LY6S: variants seen among roughly 807,000 people sequenced by gnomAD.
LY6S encodes the protein lymphocyte antigen 6S.
chr8:143,054,676 C>A, the LY6S span, among the ~76,000 whole-genome samples: 4 of 152,198 alleles, frequency 2.6e-5, no homozygotes, highest in South Asian at 2.1e-4. Flanking sequence ...ACAGCTCCCC[C>A]CATCTAACTC....
At chr8:143,059,121 G>C in the LY6S span, among the ~76,000 whole-genome samples, 1 of 152,152 alleles carries the variant, frequency 6.6e-6, no homozygotes, top group Non-Finnish European at 1.5e-5. Flanking sequence ...CTCGGCGCCT[G>C]GGTGGCTTGC....
the LY6S span, chr8:143,049,424 C>T: frequency 2.6e-6 from 1 of 390,282 alleles, no homozygotes; most frequent in East Asian, 7.2e-5. Flanking sequence ...TCCGTCTTTC[C>T]AGAGGAATCA....
chr8:143,070,447 T>TGTATATATATATATATAATATATATATA, the LY6S span, among the ~76,000 whole-genome samples: 1 of 28,376 alleles, frequency 3.5e-5, no homozygotes, highest in Non-Finnish European at 5.3e-5. Flanking sequence ...ATATATATTG[T>TGTATATATATATATATAATATATATATA]ATATATATAT....
At chr8:143,065,990 G>C in the LY6S span, 1 of 349,924 alleles carries the variant, frequency 2.9e-6, no homozygotes, top group Admixed American at 3.4e-5. Context: ...GGTCCTTGTG[G>C]GCTTCATGAG....
At chr8:143,044,747 T>C in the LY6S span, 1 of 1,367,562 alleles carries the variant, frequency 7.3e-7, no homozygotes, top group Non-Finnish European at 9.8e-7. Flanking sequence ...GAGACCACGC[T>C]GCAGGAGGCC....
the LY6S span, among the ~76,000 whole-genome samples, chr8:143,060,677 C>T: frequency 1.2e-4 from 18 of 152,292 alleles, no homozygotes; most frequent in East Asian, 3.9e-4. Flanking sequence ...CCGGTCTCCA[C>T]GCCTTGGTGG....
chr8:143,065,132 A>C, the LY6S span, among the ~76,000 whole-genome samples: 7 of 152,184 alleles, frequency 4.6e-5, no homozygotes. Flanking sequence ...AACACTATGC[A>C]GTGCCCTGCT....
the LY6S span, among the ~76,000 whole-genome samples, chr8:143,048,255 C>G: frequency 6.6e-6 from 1 of 152,150 alleles, no homozygotes; most frequent in Non-Finnish European, 1.5e-5. Context: ...ATGTGCTGCT[C>G]TCCTCTGGCT....
At chr8:143,071,627 G>C in the LY6S span, among the ~76,000 whole-genome samples, 1 of 151,750 alleles carries the variant, frequency 6.6e-6, no homozygotes, top group East Asian at 1.9e-4. Context: ...CAAAGAAATA[G>C]AGTCTATTGA....
chr8:143,074,602 C>G, the LY6S span, among the ~76,000 whole-genome samples: 1 of 152,082 alleles, frequency 6.6e-6, no homozygotes, highest in African/African-American at 2.4e-5. Context: ...TTGAAATTCT[C>G]CATCTTTTCA....
chr8:143,052,512 C>T, the LY6S span, among the ~76,000 whole-genome samples: 4 of 152,144 alleles, frequency 2.6e-5, no homozygotes, highest in African/African-American at 7.2e-5. Context: ...GCAGGTTGAC[C>T]GCACCCACAC....
At chr8:143,047,162 T>C in the LY6S span, among the ~76,000 whole-genome samples, 1 of 149,868 alleles carries the variant, frequency 6.7e-6, no homozygotes, top group African/African-American at 2.5e-5. Context: ...TTTTTTAAGA[T>C]GGAGTCTTGC....
chr8:143,073,165 G>A, the LY6S span, among the ~76,000 whole-genome samples: 500 of 99,482 alleles, frequency 5.0e-3, 1 homozygote, highest in East Asian at 0.017. Flanking sequence ...CGTCCCCGGG[G>A]TTCCTGTTTG....
the LY6S span, among the ~76,000 whole-genome samples, chr8:143,070,364 G>GAT: frequency 0.014 from 1,701 of 123,392 alleles, 44 homozygotes; most frequent in African/African-American, 0.052. Context: ...TTCTCCAGCT[G>GAT]ATATATATAT....
the LY6S span, among the ~76,000 whole-genome samples, chr8:143,066,987 G>A: frequency 6.6e-6 from 1 of 152,182 alleles, no homozygotes; most frequent in East Asian, 1.9e-4. Context: ...CCCCAGTGGT[G>A]GAGGTGGGCC....
chr8:143,053,670 T>G, the LY6S span: 1 of 152,204 alleles, frequency 6.6e-6, no homozygotes, highest in African/African-American at 2.4e-5. Context: ...GAGAAATGCT[T>G]TCTTAGCATA....
At chr8:143,044,847 A>T in the LY6S span, 1 of 1,342,744 alleles carries the variant, frequency 7.4e-7, no homozygotes, top group African/African-American at 1.5e-5. Flanking sequence ...GCCAGGACAT[A>T]CACCAATGCC....
At chr8:143,043,675 T>C in the LY6S span, among the ~76,000 whole-genome samples, 1 of 151,966 alleles carries the variant, frequency 6.6e-6, no homozygotes, top group Non-Finnish European at 1.5e-5. Flanking sequence ...TGGCTTTTTT[T>C]TTTTTAAATA....
chr8:143,050,596 G>A, the LY6S span, among the ~76,000 whole-genome samples: 4 of 152,024 alleles, frequency 2.6e-5, no homozygotes, highest in East Asian at 1.9e-4. Flanking sequence ...GTGATCAGGC[G>A]CCCTCCTGGA....
Sources: allele counts gnomAD v4.1 joint callset (sites outside exome capture counted in the v4.1 genomes callset), GRCh38; gene constraint gnomAD v4.1.1; transcripts MANE v1.5; gene names NCBI Gene and HGNC (gene_info 2026-07-23, HGNC 2026-07-21).